The following LOXHD1 variants were observed in gnomAD, a reference collection of about 807,000 sequenced individuals.
LOXHD1 encodes lipoxygenase homology PLAT domains 1, also known as lipoxygenase homology domain-containing protein 1.
LOXHD1 carries 205 observed loss-of-function variants against 248.2 expected under a neutral mutation model. That is an observed-to-expected ratio of 0.83 (90% CI 0.74 to 0.93). LOXHD1 has a LOEUF of 0.93. Ranked by LOEUF, LOXHD1 falls within the 40% of genes least tolerant of loss-of-function variation. The pLI, the probability that LOXHD1 is intolerant of heterozygous loss-of-function variation, is 0.00. For missense variants in LOXHD1, 2,930 were observed against 2,971.6 expected, an observed-to-expected ratio of 0.99 and a Z score of 0.33; for synonymous variants, 1,113 against 1,162.8, an observed-to-expected ratio of 0.96 and a Z score of 0.87.
chr18:46,541,621 C>G (rs2036561516), intron 25 of LOXHD1, among the ~76,000 whole-genome samples, 155 bp downstream of exon 25: 1 of 151,570 alleles, frequency 6.6e-6, no homozygotes, highest in Non-Finnish European at 1.5e-5. Flanking sequence ...CCACAGCCCC[C>G]ACAGAGTCAG....
intron 28 of LOXHD1, 26 bp from the exon 29 acceptor site, chr18:46,529,357 CA>C: frequency 6.6e-7 from 1 of 1,517,228 alleles, no homozygotes; most frequent in Non-Finnish European, 8.9e-7. Flanking sequence ...GACAGACAGA[CA>C]GACAAAGGGA....
At chr18:46,645,374 C>T (rs1323674295) in intron 2 of LOXHD1, among the ~76,000 whole-genome samples, 1 of 152,258 alleles carries the variant, frequency 6.6e-6, no homozygotes, top group Non-Finnish European at 1.5e-5. Flanking sequence ...AGATCCTTTA[C>T]AGGCTGCACG....
At chr18:46,654,907 G>A (rs1264773492) in intron 1 of LOXHD1, among the ~76,000 whole-genome samples, 7 of 152,140 alleles carry the variant, frequency 4.6e-5, no homozygotes, top group Non-Finnish European at 5.9e-5. Context: ...AGTCAAAATC[G>A]GGCAGTACAA....
chr18:46,573,834 T>C (rs904924558), intron 14 of LOXHD1, among the ~76,000 whole-genome samples: 2 of 152,208 alleles, frequency 1.3e-5, no homozygotes, highest in African/African-American at 4.8e-5. Context: ...TAGGCTGTTA[T>C]TTTTCCCAAG....
At chr18:46,509,978 C>A (rs992623471) in intron 34 of LOXHD1, among the ~76,000 whole-genome samples, 163 bp from the exon 35 acceptor site, 1 of 152,192 alleles carries the variant, frequency 6.6e-6, no homozygotes, top group Non-Finnish European at 1.5e-5. Context: ...TCTTGCATCC[C>A]AGATGTGTTC....
At chr18:46,647,904 G>A (rs1402555691) in intron 2 of LOXHD1, among the ~76,000 whole-genome samples, 3 of 152,146 alleles carry the variant, frequency 2.0e-5, no homozygotes, top group Admixed American at 1.3e-4. Flanking sequence ...CTCCCTTAAG[G>A]AGCACACTCC....
chr18:46,601,796 T>C, intron 7 of LOXHD1: 2 of 333,612 alleles, frequency 6.0e-6, no homozygotes, highest in East Asian at 7.2e-5. Context: ...TTAATGATAA[T>C]TACCATGCGT....
chr18:46,505,235 G>T (rs966329916), intron 37 of LOXHD1, among the ~76,000 whole-genome samples: 14 of 150,450 alleles, frequency 9.3e-5, no homozygotes, highest in Non-Finnish European at 1.8e-4. Flanking sequence ...AGGCTGGAAT[G>T]CAGTGGCACA....
At chr18:46,616,300 G>T (rs1214900157) in intron 5 of LOXHD1, among the ~76,000 whole-genome samples, 2 of 151,890 alleles carry the variant, frequency 1.3e-5, no homozygotes, top group Admixed American at 6.6e-5. Context: ...CTGTTTTGGG[G>T]TGGTTACTTT....
At chr18:46,579,907 C>T (rs978263296) in intron 12 of LOXHD1, 123 bp from the exon 13 acceptor site, 95 of 1,131,346 alleles carry the variant, frequency 8.4e-5, no homozygotes, top group Non-Finnish European at 1.1e-4. Context: ...GGCTGACCTT[C>T]CCCCTTCCTC....
intron 37 of LOXHD1, among the ~76,000 whole-genome samples, chr18:46,492,836 A>G (rs926440222): frequency 6.6e-6 from 1 of 152,194 alleles, no homozygotes; most frequent in East Asian, 1.9e-4. Flanking sequence ...TGCACGTATC[A>G]CCAAATTATT....
At chr18:46,579,954 C>T (rs1276578239) in intron 12 of LOXHD1, among the ~76,000 whole-genome samples, 170 bp from the exon 13 acceptor site, 22 of 152,242 alleles carry the variant, frequency 1.4e-4, no homozygotes, top group Admixed American at 1.4e-3. Flanking sequence ...CAATCAAGAG[C>T]TGAGTCATCC....
At chr18:46,578,715 C>G (rs557564144) in intron 13 of LOXHD1, among the ~76,000 whole-genome samples, 91 of 152,348 alleles carry the variant, frequency 6.0e-4, no homozygotes, top group Non-Finnish European at 7.4e-4. Flanking sequence ...TCCCCTTCAC[C>G]CTGCTGAGCT....
rs1322755170 is a variant in LOXHD1, at chr18:46,507,710, G to A, written c.5520C>T (p.Ile1840=). Reference sequence around the variant, plus strand: ...CTCCAGTGTTCATGTTCTTCAGTAGGATCTGGGGGAGAGGGAGCCACCGTG... The same window carrying A: ...CTCCAGTGTTCATGTTCTTCAGTAGAATCTGGGGGAGAGGGAGCCACCGTG... ...GSRPEWFLER[I]LLKNMNTGDL... The change falls in exon 36 of 41, where the codon ATC becomes ATT. Residue 1840 remains isoleucine (I), a splice_region_variant and synonymous_variant. Transcript: ENST00000642948. 1.2e-5 allele frequency: 19 copies of A among 1,548,760 alleles called. No homozygotes were observed. The highest frequency in any genetic ancestry group is 1.6e-5 in the Non-Finnish European group (18 of 1,144,594).
At chr18:46,509,456 A>C in intron 35 of LOXHD1, 1 of 534,212 alleles carries the variant, frequency 1.9e-6, no homozygotes. Context: ...TGTCCACGTA[A>C]CGTTGACAGC....
chr18:46,557,823 AG>A, intron 20 of LOXHD1: 7 of 1,287,960 alleles, frequency 5.4e-6, no homozygotes, highest in East Asian at 6.0e-5. Flanking sequence ...TGTGCAAGAG[AG>A]GGGGGTGCAC....
chr18:46,490,630 C>T (rs2033398859), intron 37 of LOXHD1, among the ~76,000 whole-genome samples: 2 of 152,280 alleles, frequency 1.3e-5, no homozygotes, highest in Middle Eastern at 3.4e-3. Flanking sequence ...CATGCACCAC[C>T]ACACCTGGCT....
chr18:46,524,387 A>T, intron 31 of LOXHD1, 79 bp downstream of exon 31: 2 of 1,505,068 alleles, frequency 1.3e-6, no homozygotes, highest in Admixed American at 4.1e-5. Context: ...GTGGGGCTCA[A>T]GAATGGCTCA....
chr18:46,633,493 A>G (rs1176403452), intron 4 of LOXHD1, among the ~76,000 whole-genome samples: 1 of 152,216 alleles, frequency 6.6e-6, no homozygotes, highest in East Asian at 1.9e-4. Context: ...AAAGACCTAA[A>G]TGTAACAACA....
Sources: gnomAD v4.1 joint callset for allele counts (sites outside exome capture counted in the v4.1 genomes callset) on GRCh38, gnomAD v4.1.1 for gene constraint, MANE v1.5 for transcripts, NCBI Gene and HGNC (gene_info 2026-07-23, HGNC 2026-07-21) for gene names.